Variants in PRKG1 observed in about 807,000 individuals in gnomAD.
PRKG1 encodes cGMP-dependent protein kinase 1.
In PRKG1, 35 loss-of-function variants were observed where a neutral mutation model predicts 88.1. The observed-to-expected ratio is 0.40, with a 90% CI of 0.30 to 0.53. PRKG1 has a LOEUF of 0.53. PRKG1 is among the 20% of genes least tolerant of loss of function. The probability of loss-of-function intolerance (pLI) is 0.59; values close to 1 mark genes in which losing one functional copy is unlikely to be tolerated. For synonymous variants in PRKG1, 303 were observed against 292.5 expected (o/e 1.04, Z -0.37); for missense variants, 540 against 839.8 (o/e 0.64, Z 4.41).
At chr10:51,770,286 G>C (rs1354342933) in intron 3 of PRKG1, among the ~76,000 whole-genome samples, 2 of 152,196 alleles carry the variant, frequency 1.3e-5, no homozygotes, top group African/African-American at 4.8e-5. Flanking sequence ...GAGTTATGCA[G>C]CATAGAGGGA....
chr10:51,800,690 G>A (rs965459995), intron 3 of PRKG1, among the ~76,000 whole-genome samples: 2 of 152,066 alleles, frequency 1.3e-5, no homozygotes, highest in African/African-American at 4.8e-5. Context: ...TAGTTCTGGA[G>A]GCTAGAAGCC....
At chr10:51,576,181 C>T (rs947135972) in intron 3 of PRKG1, among the ~76,000 whole-genome samples, 3 of 151,910 alleles carry the variant, frequency 2.0e-5, no homozygotes, top group African/African-American at 7.2e-5. Flanking sequence ...GTTAGGTACC[C>T]TGATTACAGA....
At chr10:51,169,921 G>T (rs1389722443) in intron 2 of PRKG1, among the ~76,000 whole-genome samples, 2 of 151,686 alleles carry the variant, frequency 1.3e-5, no homozygotes, top group Non-Finnish European at 2.9e-5. Flanking sequence ...CATACTTCTG[G>T]CTCAACTTCC....
At position 51,612,037 on chromosome 10, in the gene PRKG1, T is replaced by G. The variant is rs566204838; in HGVS notation, c.592+144201T>G. ...CAGTGCCATGCTGTTTTGATTACTG[T>G]GGGCTTGTAATACATTTTGAAGTCA... On this transcript the variant is annotated intron_variant, in intron 3 of 17. Coordinates refer to ENST00000373980, the MANE Select transcript of PRKG1 (RefSeq NM_006258.4). 2.6e-5 allele frequency among the ~76,000 whole-genome samples: 4 copies of G among 152,238 alleles called. No homozygotes were observed. In the South Asian group the frequency reaches 8.3e-4, roughly 32 times the overall value.
intron 3 of PRKG1, among the ~76,000 whole-genome samples, chr10:51,749,264 G>A (rs916418309): frequency 7.2e-5 from 11 of 152,164 alleles, no homozygotes; most frequent in African/African-American, 2.7e-4. Flanking sequence ...AGCTCAGACT[G>A]TTATAACAAA....
At chr10:51,042,325 G>T (rs1257272964) in intron 1 of PRKG1, among the ~76,000 whole-genome samples, 5 of 152,138 alleles carry the variant, frequency 3.3e-5, no homozygotes, top group Non-Finnish European at 7.4e-5. Flanking sequence ...AACCATCTCA[G>T]TCCTAGTCAA....
In PRKG1 at chr10:51,676,250, G is replaced by A. The variant is rs149402998; in HGVS notation, c.593-128335G>A. Reference sequence around the variant, plus strand: ...AGTAAAAATGTATGTCTTCAGTTACGCTCACCACATTTCAAGCACTCAGGA... The same window carrying A: ...AGTAAAAATGTATGTCTTCAGTTACACTCACCACATTTCAAGCACTCAGGA... On this transcript the variant is annotated intron_variant, in intron 3 of 17. Coordinates refer to ENST00000373980, the MANE Select transcript of PRKG1 (RefSeq NM_006258.4). Among the ~76,000 whole-genome samples, 405 of 151,732 alleles carry A rather than the reference G, an allele frequency of 2.7e-3. 3 individuals are homozygous for A. Among genetic ancestry groups the A allele is most frequent in the African/African-American group, 9.3e-3 (385 of 41,384 alleles).
chr10:52,161,169 A>G (rs1838266041), intron 8 of PRKG1, among the ~76,000 whole-genome samples: 2 of 152,060 alleles, frequency 1.3e-5, no homozygotes, highest in Non-Finnish European at 2.9e-5. Flanking sequence ...TGGCGCTATA[A>G]TATTTACAAT....
chr10:51,554,231 T>TC (rs1564547600), intron 3 of PRKG1, among the ~76,000 whole-genome samples: 5 of 147,394 alleles, frequency 3.4e-5, no homozygotes, highest in African/African-American at 1.2e-4. Flanking sequence ...TATATGCATA[T>TC]ATGATATGTA....
Position 52,220,795 on chromosome 10 carries a change from A to T in PRKG1, c.1077-30775A>T, listed in dbSNP as rs188981972. ...GTATTCCATGGTATATATATACCAC[A>T]TTTTCTTTATCCAGTATACCGTTGA... On this transcript the variant is annotated intron_variant, in intron 9 of 17. Coordinates refer to ENST00000373980, the MANE Select transcript of PRKG1 (RefSeq NM_006258.4). Among the ~76,000 whole-genome samples, 1,116 of 151,986 alleles carry T rather than the reference A, an allele frequency of 7.3e-3. 14 individuals are homozygous for T. Among genetic ancestry groups the T allele is most frequent in the African/African-American group, 0.025 (1,054 of 41,434 alleles).
intron 4 of PRKG1, among the ~76,000 whole-genome samples, chr10:51,887,574 A>T (rs1360315996): frequency 2.6e-5 from 4 of 152,162 alleles, no homozygotes. Context: ...GCTCGCCAAC[A>T]CTTACCTTTT....
chr10:52,189,602 G>A (rs1839312112), intron 9 of PRKG1, among the ~76,000 whole-genome samples: 1 of 152,028 alleles, frequency 6.6e-6, no homozygotes, highest in African/African-American at 2.4e-5. Context: ...AATATGAGGT[G>A]GTACAGTTTC....
chr10:51,835,480 C>A (rs1057440937), intron 4 of PRKG1, among the ~76,000 whole-genome samples: 1 of 152,122 alleles, frequency 6.6e-6, no homozygotes, highest in Non-Finnish European at 1.5e-5. Flanking sequence ...TTTGCAGAGC[C>A]CAATACTCTC....
chr10:51,793,538 G>A (rs1838927392), intron 3 of PRKG1, among the ~76,000 whole-genome samples: 1 of 152,032 alleles, frequency 6.6e-6, no homozygotes, highest in Admixed American at 6.6e-5. Context: ...CCAAGTACAG[G>A]ATGGTCAAAG....
intron 1 of PRKG1, among the ~76,000 whole-genome samples, chr10:51,152,381 T>C (rs1846094446): frequency 2.0e-5 from 3 of 152,098 alleles, no homozygotes; most frequent in African/African-American, 7.2e-5. Context: ...AGAAATATTC[T>C]CTAAAAAGCA....
At chr10:51,505,520 TG>T (rs1358932006) in intron 3 of PRKG1, among the ~76,000 whole-genome samples, 3 of 152,202 alleles carry the variant, frequency 2.0e-5, no homozygotes, top group African/African-American at 7.2e-5. Context: ...CTTTTTCTGT[TG>T]ATTGGAACAG....
At chr10:51,182,815 C>A (rs2132027894) in intron 2 of PRKG1, among the ~76,000 whole-genome samples, 1 of 152,316 alleles carries the variant, frequency 6.6e-6, no homozygotes, top group Non-Finnish European at 1.5e-5. Flanking sequence ...AGCTTGGATT[C>A]CAACAGCCTT....
At chr10:51,382,959 A>C (rs1261900975) in intron 2 of PRKG1, among the ~76,000 whole-genome samples, 1 of 152,106 alleles carries the variant, frequency 6.6e-6, no homozygotes, top group East Asian at 1.9e-4. Flanking sequence ...TCATATGCCC[A>C]CACCTAGACC....
chr10:51,053,366 G>A (rs868421165), intron 1 of PRKG1, among the ~76,000 whole-genome samples: 3 of 152,190 alleles, frequency 2.0e-5, no homozygotes, highest in South Asian at 2.1e-4. Flanking sequence ...TTGGTGCCAC[G>A]TAATTTGGCT....
Sources: gnomAD v4.1 joint callset for allele counts (sites outside exome capture counted in the v4.1 genomes callset) on GRCh38, gnomAD v4.1.1 for gene constraint, MANE v1.5 for transcripts, NCBI Gene and HGNC (gene_info 2026-07-23, HGNC 2026-07-21) for gene names.